The following DNAJC18 variants were observed in gnomAD, a reference collection of about 807,000 sequenced individuals.
DNAJC18 encodes dnaJ homolog subfamily C member 18.
A neutral mutation model predicts 48.6 loss-of-function variants in DNAJC18; 40 were observed. That is an observed-to-expected ratio of 0.82 (90% confidence interval 0.64 to 1.07). The LOEUF is 1.07. Among genes scored for constraint, DNAJC18 ranks in the 50% least tolerant of loss-of-function variants. The pLI is 0.00. For synonymous variants in DNAJC18, 135 were observed against 152.2 expected, an observed-to-expected ratio of 0.89 and a Z score of 0.83; for missense variants, 340 against 427.7, an observed-to-expected ratio of 0.79 and a Z score of 1.81.
chr5:139,439,477 T>C lies in DNAJC18; in HGVS notation c.-32A>G. On this transcript the variant is annotated 5_prime_UTR_variant, in exon 1 of 8. Coordinates refer to ENST00000302060, the MANE Select transcript of DNAJC18 (RefSeq NM_152686.4). The surrounding 1 kb of genome is among the most constrained non-coding windows in gnomAD (Gnocchi z 4.1). Reference sequence around the variant, plus strand: ...TCCCAATCAGCAGGTCCGCCGAGCCTCCCCCGTGCCCGAGGCTGAAAGAGA... The same window carrying C: ...TCCCAATCAGCAGGTCCGCCGAGCCCCCCCCGTGCCCGAGGCTGAAAGAGA... 6.2e-7 allele frequency: 1 copy of C among 1,613,256 alleles called. No individual in the cohort carries two copies. Among genetic ancestry groups the C allele is most frequent in the African/African-American group, 1.3e-5 (1 of 74,856 alleles).
intron 7 of DNAJC18, among the ~76,000 whole-genome samples, chr5:139,417,568 AT>A (rs762169642): frequency 0.053 from 6,119 of 114,486 alleles, 209 homozygotes; most frequent in African/African-American, 0.12. Context: ...TACTCACTGG[AT>A]TTTTTTTTTT....
intron 5 of DNAJC18, 87 bp from the exon 6 acceptor site, chr5:139,422,904 C>G: frequency 2.1e-5 from 17 of 791,742 alleles, no homozygotes; most frequent in Non-Finnish European, 2.7e-5. Flanking sequence ...GGTGCGATCT[C>G]GGCTCACTGC....
chr5:139,425,718 A>G (rs565338236), intron 4 of DNAJC18, among the ~76,000 whole-genome samples: 3 of 152,312 alleles, frequency 2.0e-5, no homozygotes, highest in Non-Finnish European at 4.4e-5. Flanking sequence ...TTCCGTGCCC[A>G]ATACCATATT....
intron 2 of DNAJC18, among the ~76,000 whole-genome samples, chr5:139,434,048 C>T (rs978858124): frequency 2.6e-5 from 4 of 151,962 alleles, no homozygotes; most frequent in Admixed American, 2.0e-4. Flanking sequence ...TGCGCCACCA[C>T]GCCTGACTAG....
intron 3 of DNAJC18, among the ~76,000 whole-genome samples, chr5:139,427,575 C>A (rs930825193): frequency 6.6e-6 from 1 of 152,070 alleles, no homozygotes; most frequent in Non-Finnish European, 1.5e-5. Flanking sequence ...TTTTGCTGAA[C>A]CATTTGAAAA....
intron 2 of DNAJC18, among the ~76,000 whole-genome samples, chr5:139,436,992 A>G (rs1001955366): frequency 6.6e-6 from 1 of 152,196 alleles, no homozygotes; most frequent in African/African-American, 2.4e-5. Flanking sequence ...TTGATTTCAG[A>G]GAACATACAC....
Position 139,428,700 on chromosome 5 carries a change from G to C in DNAJC18, c.228-17C>G. 1 of 1,606,372 alleles carries C rather than the reference G, an allele frequency of 6.2e-7. No individual in the cohort carries two copies. The highest frequency in any genetic ancestry group is 8.5e-7 in the Non-Finnish European group (1 of 1,177,596). ...TTCTTGATCCTAAAAAAAATCACAA[G>C]CATGTATGTCTATAAAGGTCCCTTT... is the stretch of plus-strand genomic sequence containing the variant. On this transcript the variant is annotated splice_polypyrimidine_tract_variant and intron_variant, in intron 2 of 7. Transcript: ENST00000302060.
intron 2 of DNAJC18, among the ~76,000 whole-genome samples, chr5:139,435,164 C>A (rs1353529869): frequency 1.3e-5 from 2 of 152,088 alleles, no homozygotes; most frequent in Non-Finnish European, 2.9e-5. Context: ...ACCATCCTGG[C>A]CAACATGGTG....
intron 2 of DNAJC18, among the ~76,000 whole-genome samples, chr5:139,429,956 G>A (rs1034159498): frequency 1.4e-4 from 22 of 152,048 alleles, no homozygotes; most frequent in Admixed American, 1.3e-3. Context: ...AATTTATCTT[G>A]GAGATCAATC....
chr5:139,426,310 G>C lies in DNAJC18; in HGVS notation c.421C>G (p.Arg141Gly). The C allele has an allele frequency of 6.2e-7, 1 of 1,614,110 alleles. No homozygotes were observed. The highest frequency in any genetic ancestry group is 8.5e-7 in the Non-Finnish European group (1 of 1,180,022). Residue 141 changes from arginine to glycine, a missense_variant, in exon 4 of 8, where the codon CGC (arginine) becomes GGC (glycine). Physicochemically the swap from Arg to Gly is moderately radical, Grantham distance 125. Coordinates refer to ENST00000302060, the MANE Select transcript of DNAJC18 (RefSeq NM_152686.4). ...AVLSNPDKRL[R>G]YDEYGDEQVT... ...TGTTCATCTCCGTATTCATCATAGC[G>C]AAGTCTCTTATCAGGATTGCTCAGG...
chr5:139,424,434 A>G (rs1329055212), intron 5 of DNAJC18, among the ~76,000 whole-genome samples: 1 of 152,134 alleles, frequency 6.6e-6, no homozygotes, highest in East Asian at 1.9e-4. Context: ...TTCTGCAGCC[A>G]AGAAAATTAT....
chr5:139,422,904 C>T (rs1184410925), intron 5 of DNAJC18, 87 bp from the exon 6 acceptor site: 111 of 791,698 alleles, frequency 1.4e-4, no homozygotes, highest in Middle Eastern at 4.3e-4. Context: ...GGTGCGATCT[C>T]GGCTCACTGC....
At position 139,437,362 on chromosome 5, in the gene DNAJC18, A is replaced by C. The variant is rs1375965966; in HGVS notation, c.227+10T>G. The C allele has an allele frequency of 3.1e-6, 5 of 1,596,708 alleles. No individual in the cohort carries two copies. Among genetic ancestry groups the C allele is most frequent in the Non-Finnish European group, 4.3e-6 (5 of 1,172,292 alleles). ...ATAAAATCACTCATTTAATCTCACC[A>C]CATGCTCACCTTTGTACCCCAAGCA... On this transcript the variant is annotated intron_variant, in intron 2 of 7. Coordinates refer to ENST00000302060, the MANE Select transcript of DNAJC18 (RefSeq NM_152686.4).
chr5:139,436,774 A>T (rs1305919998), intron 2 of DNAJC18, among the ~76,000 whole-genome samples: 2 of 152,006 alleles, frequency 1.3e-5, no homozygotes, highest in South Asian at 2.1e-4. Flanking sequence ...AGTCTTTTTT[A>T]AAAAAATAAG....
intron 7 of DNAJC18, chr5:139,418,835 T>C (rs1363017894): frequency 2.2e-6 from 1 of 456,336 alleles, no homozygotes; most frequent in Middle Eastern, 3.3e-4. Flanking sequence ...GCCAGAACCC[T>C]GGGACACAAA....
In DNAJC18 at chr5:139,428,537, C is replaced by A; in HGVS notation, c.373+1G>T. 1 of 1,611,596 alleles carries A rather than the reference C, an allele frequency of 6.2e-7. No homozygotes were observed. The highest frequency in any genetic ancestry group is 8.5e-7 in the Non-Finnish European group (1 of 1,179,324). ...CATTGAGCATTGGTTCAGGATCAGACCTTTGAAAGCATCTGTTGCTCCAGG... is the reference window on the plus strand; with the variant it reads ...CATTGAGCATTGGTTCAGGATCAGAACTTTGAAAGCATCTGTTGCTCCAGG... On this transcript the variant is annotated splice_donor_variant, in intron 3 of 7. Coordinates refer to ENST00000302060, the MANE Select transcript of DNAJC18 (RefSeq NM_152686.4). LOFTEE classifies it high-confidence loss of function.
chr5:139,418,124 G>A (rs1439414030), intron 7 of DNAJC18, among the ~76,000 whole-genome samples: 1 of 152,114 alleles, frequency 6.6e-6, no homozygotes, highest in African/African-American at 2.4e-5. Flanking sequence ...CCAGACAATG[G>A]GGATTTTCAG....
intron 5 of DNAJC18, among the ~76,000 whole-genome samples, chr5:139,424,729 A>AAAAAAAAC (rs1759208389): frequency 6.9e-6 from 1 of 145,552 alleles, no homozygotes; most frequent in Non-Finnish European, 1.5e-5. Flanking sequence ...AAAAAAAAAA[A>AAAAAAAAC]AAAAAAAAAA....
rs1759016250 is a variant in DNAJC18, at chr5:139,413,029, G to C, written c.*1119C>G. On this transcript the variant is annotated 3_prime_UTR_variant, in exon 8 of 8. Coordinates refer to ENST00000302060, the MANE Select transcript of DNAJC18 (RefSeq NM_152686.4). Reference sequence around the variant, plus strand: ...CCTGGGTCATCCTCTCTGGGCCAATGTTCTCATTCATAGAACCAGGGATAA... The same window carrying C: ...CCTGGGTCATCCTCTCTGGGCCAATCTTCTCATTCATAGAACCAGGGATAA... The C allele has an allele frequency of 2.5e-6, 1 of 397,534 alleles. No individual in the cohort carries two copies. The highest frequency in any genetic ancestry group is 4.4e-5 in the Admixed American group (1 of 22,710). 24.6% of individuals were successfully genotyped at this position (397,534 alleles called of 1,614,324 possible). A position where few individuals can be genotyped will look rare whatever the true frequency, so the allele number is the denominator to read the frequency against.
Sources: allele counts gnomAD v4.1 joint callset (sites outside exome capture counted in the v4.1 genomes callset), GRCh38; gene constraint gnomAD v4.1.1; non-coding constraint Gnocchi (gnomAD v3.1); transcripts MANE v1.5; gene names NCBI Gene and HGNC (gene_info 2026-07-23, HGNC 2026-07-21).